The following BMP7 variants were observed in gnomAD, a reference collection of about 807,000 sequenced individuals.
The protein encoded by BMP7 is bone morphogenetic protein 7.
Under a neutral mutation model 41.2 loss-of-function variants are expected in BMP7, and 12 were observed. The observed-to-expected ratio is 0.29, with a 90% CI of 0.19 to 0.47. The LOEUF is 0.47. Among genes scored for constraint, BMP7 ranks in the 20% least tolerant of loss-of-function variants. The probability of loss-of-function intolerance (pLI) is 0.99; values close to 1 mark genes in which losing one functional copy is unlikely to be tolerated. For synonymous variants in BMP7, 248 were observed against 250.0 expected, an observed-to-expected ratio of 0.99 and a Z score of 0.07; for missense variants, 467 against 606.0, an observed-to-expected ratio of 0.77 and a Z score of 2.41.
intron 1 of BMP7, among the ~76,000 whole-genome samples, chr20:57,262,611 G>C (rs1042242936): frequency 6.6e-6 from 1 of 152,226 alleles, no homozygotes; most frequent in Non-Finnish European, 1.5e-5. Flanking sequence ...AAAGCCTTCA[G>C]AATTCAGGCA....
chr20:57,171,098 A>T lies in BMP7; in HGVS notation c.1157T>A (p.Ile386Asn), dbSNP rs1374249090. The T allele has an allele frequency of 1.9e-6, 3 of 1,614,218 alleles. No individual in the cohort carries two copies. Residue 386 changes from isoleucine (I) to asparagine (N), a missense_variant, in exon 7 of 7, where the codon ATC (isoleucine) becomes AAC (asparagine). By Grantham distance (149) the Ile-to-Asn change is moderately radical. Around this residue, in one of 2 missense-constraint regions of BMP7, gnomAD observed 60 missense variants for 120.1 expected, o/e 0.50. Transcript: ENST00000395863. The surrounding 1 kb of genome is among the most constrained non-coding windows in gnomAD (Gnocchi z 4.5). ...HAIVQTLVHF[I>N]NPETVPKPCC... ...GGGCTTGGGCACCGTTTCCGGGTTG[A>T]TGAAGTGGACCTGAAACACACACCA...
chr20:57,206,641 C>A (rs75656200), intron 2 of BMP7, among the ~76,000 whole-genome samples: 1 of 152,150 alleles, frequency 6.6e-6, no homozygotes, highest in Non-Finnish European at 1.5e-5. Context: ...GGCAAGGTTA[C>A]GCCAGATAAT....
At chr20:57,206,275 G>A (rs111481123) in intron 2 of BMP7, among the ~76,000 whole-genome samples, 31 of 152,100 alleles carry the variant, frequency 2.0e-4, no homozygotes, top group Non-Finnish European at 3.8e-4. Flanking sequence ...TTTCACCTTC[G>A]CCACTGCTGA....
intron 4 of BMP7, among the ~76,000 whole-genome samples, chr20:57,180,627 C>A (rs980311612): frequency 7.2e-5 from 11 of 152,152 alleles, no homozygotes; most frequent in Non-Finnish European, 5.9e-5. Context: ...TGAATCCTAG[C>A]CTTCAAGAGT....
Position 57,230,616 on chromosome 20 carries a change from T to C in BMP7, c.419-2195A>G, listed in dbSNP as rs151305964. ...AACCAGAGGCCTGAACCACCATGCA[T>C]CTCTGTGGCTGCGTGAACAGCTGAA... On this transcript the variant is annotated intron_variant, in intron 1 of 6. Transcript: ENST00000395863. 9.5e-3 allele frequency among the ~76,000 whole-genome samples: 1,425 copies of C among 150,298 alleles called. 18 individuals carry two copies. The highest frequency in any genetic ancestry group is 0.033 in the African/African-American group (1,343 of 40,848).
chr20:57,176,749 T>TAC (rs773367826), intron 4 of BMP7, among the ~76,000 whole-genome samples: 100 of 28,174 alleles, frequency 3.5e-3, no homozygotes, highest in South Asian at 7.2e-3. Flanking sequence ...ACATTCTCCA[T>TAC]TCACACACAC....
At chr20:57,180,735 C>T (rs1366067461) in intron 4 of BMP7, among the ~76,000 whole-genome samples, 1 of 152,068 alleles carries the variant, frequency 6.6e-6, no homozygotes, top group Non-Finnish European at 1.5e-5. Flanking sequence ...AAAATGGATC[C>T]ACTGTCAGAA....
chr20:57,202,439 G>A, intron 3 of BMP7, 36 bp downstream of exon 3: 1 of 1,598,184 alleles, frequency 6.3e-7, no homozygotes, highest in Non-Finnish European at 8.5e-7. Flanking sequence ...CAGGAGCACA[G>A]GCTGCATTAG....
chr20:57,179,913 G>A (rs1984035787), intron 4 of BMP7, among the ~76,000 whole-genome samples: 1 of 152,190 alleles, frequency 6.6e-6, no homozygotes, highest in South Asian at 2.1e-4. Context: ...CTGTGTAAAT[G>A]GAGACTTGGT....
intron 2 of BMP7, among the ~76,000 whole-genome samples, chr20:57,212,843 TC>T (rs1224205082): frequency 6.6e-6 from 1 of 152,132 alleles, no homozygotes; most frequent in Non-Finnish European, 1.5e-5. Flanking sequence ...GGGTGCCCCT[TC>T]TGAGCTGCAG....
chr20:57,240,982 C>T (rs2066066630), intron 1 of BMP7, among the ~76,000 whole-genome samples: 1 of 152,208 alleles, frequency 6.6e-6, no homozygotes, highest in Non-Finnish European at 1.5e-5. Context: ...GAAGCCCTCC[C>T]ACTGGCCTGG....
rs745550040 is a variant in BMP7, at chr20:57,183,781, C to T, written c.899G>A (p.Ser300Asn). 6.2e-7 allele frequency: 1 copy of T among 1,614,094 alleles called. No homozygotes were observed. Among genetic ancestry groups the T allele is most frequent in the Admixed American group, 1.7e-5 (1 of 60,008 alleles). ...CTTGGGCGTCTTGGAGCGGTTCTGG[C>T]TGCGCTGTTTGCTCCCCGTGGACCG... ...SIRSTGSKQR[S>N]QNRSKTPKNQ... Residue 300 changes from serine (S) to asparagine (N), a missense_variant, in exon 4 of 7, where the codon AGC (serine) becomes AAC (asparagine). Around this residue, in one of 2 missense-constraint regions of BMP7, gnomAD observed 407 missense variants for 485.9 expected, o/e 0.84. Coordinates refer to ENST00000395863, the MANE Select transcript of BMP7 (RefSeq NM_001719.3).
chr20:57,193,154 G>A (rs886927252), intron 3 of BMP7, among the ~76,000 whole-genome samples: 1 of 152,188 alleles, frequency 6.6e-6, no homozygotes, highest in Non-Finnish European at 1.5e-5. Flanking sequence ...CTTTTGGTAT[G>A]CCCATCTGTA....
chr20:57,171,071 C>G lies in BMP7; in HGVS notation c.1184G>C (p.Cys395Ser). 1 of 1,614,234 alleles carries G rather than the reference C, an allele frequency of 6.2e-7. No individual in the cohort carries two copies. The highest frequency in any genetic ancestry group is 1.3e-5 in the African/African-American group (1 of 75,060). The change falls in exon 7 of 7, where the codon TGC (cysteine) becomes TCC (serine). Residue 395 changes from cysteine (C) to serine (S), a missense_variant. Physicochemically the swap from Cys to Ser is moderately radical, Grantham distance 112. Transcript: ENST00000395863. The surrounding 1 kb of genome is among the most constrained non-coding windows in gnomAD (Gnocchi z 4.5). Reference sequence around the variant, plus strand: ...GGCATTGAGCTGCGTGGGCGCACAGCAGGGCTTGGGCACCGTTTCCGGGTT... The same window carrying G: ...GGCATTGAGCTGCGTGGGCGCACAGGAGGGCTTGGGCACCGTTTCCGGGTT... ...FINPETVPKPCCAPTQLNAIS... is the reference protein window; with the variant it reads ...FINPETVPKPSCAPTQLNAIS...
chr20:57,237,650 G>A (rs2066052901), intron 1 of BMP7, among the ~76,000 whole-genome samples: 1 of 152,246 alleles, frequency 6.6e-6, no homozygotes, highest in South Asian at 2.1e-4. Context: ...TTAATAACAT[G>A]AGCAGCCTGG....
At chr20:57,235,540 C>T (rs939315447) in intron 1 of BMP7, among the ~76,000 whole-genome samples, 23 of 152,108 alleles carry the variant, frequency 1.5e-4, no homozygotes, top group African/African-American at 4.6e-4. Flanking sequence ...CCAGTGCCTG[C>T]GTTCAGGTAC....
At chr20:57,221,724 T>C (rs910754718) in intron 2 of BMP7, among the ~76,000 whole-genome samples, 1 of 151,294 alleles carries the variant, frequency 6.6e-6, no homozygotes, top group Non-Finnish European at 1.5e-5. Context: ...GGTGGGACGA[T>C]TGCTCCAACC....
intron 4 of BMP7, among the ~76,000 whole-genome samples, chr20:57,182,949 A>T (rs1025292556): frequency 1.3e-5 from 2 of 152,180 alleles, no homozygotes; most frequent in African/African-American, 4.8e-5. Context: ...AACACCTACC[A>T]CCTGGCCGGG....
At position 57,222,147 on chromosome 20, in the gene BMP7, G is replaced by A. The variant is rs116636329; in HGVS notation, c.611+6082C>T. ...GATATAACACCTACGGGGAATCAGGGAAAATGTGGGCAACCTGCTGAGCCC... is the reference window on the plus strand; with the variant it reads ...GATATAACACCTACGGGGAATCAGGAAAAATGTGGGCAACCTGCTGAGCCC... On this transcript the variant is annotated intron_variant, in intron 2 of 6. Coordinates refer to ENST00000395863, the MANE Select transcript of BMP7 (RefSeq NM_001719.3). 9.7e-3 allele frequency among the ~76,000 whole-genome samples: 1,473 copies of A among 152,268 alleles called. 18 individuals are homozygous for A. Among genetic ancestry groups the A allele is most frequent in the African/African-American group, 0.022 (916 of 41,562 alleles).
Sources: allele counts gnomAD v4.1 joint callset (sites outside exome capture counted in the v4.1 genomes callset), GRCh38; gene constraint gnomAD v4.1.1; regional missense constraint gnomAD v4.1.1; non-coding constraint Gnocchi (gnomAD v3.1); transcripts MANE v1.5; gene names NCBI Gene and HGNC (gene_info 2026-07-23, HGNC 2026-07-21).